KMT2E: variants seen among roughly 807,000 people sequenced by gnomAD.
KMT2E encodes the protein histone reader KMT2E.
Under a neutral mutation model 184.6 loss-of-function variants are expected in KMT2E, and 30 were observed. The ratio of observed to expected loss-of-function variants is 0.16; its 90% CI spans 0.12 to 0.22. KMT2E has a LOEUF of 0.22. Among genes scored for constraint, KMT2E ranks in the 10% least tolerant of loss-of-function variants. KMT2E has a pLI of 1.00. For missense variants in KMT2E, 2,023 were observed against 2,237.4 expected (o/e 0.90, Z 1.93); for synonymous variants, 815 against 776.5 (o/e 1.05, Z -0.82).
In KMT2E at chr7:105,101,412, T is replaced by G; in HGVS notation, c.1723-13T>G. On this transcript the variant is annotated splice_polypyrimidine_tract_variant and intron_variant, in intron 15 of 26. Coordinates refer to ENST00000311117, the MANE Select transcript of KMT2E (RefSeq NM_182931.3). Reference sequence around the variant, plus strand: ...TGATATTTATGATGTCACTTAAAATTTAAATTTCATAGACAAGAGAAGAAA... The same window carrying G: ...TGATATTTATGATGTCACTTAAAATGTAAATTTCATAGACAAGAGAAGAAA... 1 of 1,508,076 alleles carries G rather than the reference T, an allele frequency of 6.6e-7. No homozygotes were observed. Among genetic ancestry groups the G allele is most frequent in the Non-Finnish European group, 8.8e-7 (1 of 1,137,576 alleles). The allele number at this position is 1,508,076 out of a possible 1,614,324, so 93.4% of individuals were successfully genotyped here. A position where few individuals can be genotyped will look rare whatever the true frequency, so the allele number is the denominator to read the frequency against.
At chr7:105,063,839 T>C in intron 5 of KMT2E, 1 of 488,574 alleles carries the variant, frequency 2.0e-6, no homozygotes, top group South Asian at 2.2e-5. Context: ...TTCACTTAGT[T>C]CAATAGTAGT....
intron 15 of KMT2E, among the ~76,000 whole-genome samples, chr7:105,093,375 A>G (rs1798285752): frequency 6.6e-6 from 1 of 152,150 alleles, no homozygotes; most frequent in African/African-American, 2.4e-5. Context: ...CCTCATTTCC[A>G]GATGCCAGAA....
intron 3 of KMT2E, among the ~76,000 whole-genome samples, chr7:105,052,226 T>A (rs973760834): frequency 6.6e-6 from 1 of 152,236 alleles, no homozygotes; most frequent in Non-Finnish European, 1.5e-5. Context: ...TTGAATATTT[T>A]ACATTTGTTT....
intron 1 of KMT2E, among the ~76,000 whole-genome samples, chr7:105,033,943 C>T (rs1053106723): frequency 6.6e-6 from 1 of 152,032 alleles, no homozygotes; most frequent in Admixed American, 6.6e-5. Context: ...TTTTAACAAC[C>T]CACTATCTCA....
intron 20 of KMT2E, 130 bp from the exon 21 acceptor site, chr7:105,107,036 G>A: frequency 1.6e-6 from 1 of 644,042 alleles, no homozygotes; most frequent in South Asian, 2.5e-5. Flanking sequence ...TTTGGGGAAT[G>A]GAAATAAACA....
At chr7:105,015,137 C>T (rs1357431002) in intron 1 of KMT2E, among the ~76,000 whole-genome samples, 1 of 152,146 alleles carries the variant, frequency 6.6e-6, no homozygotes, top group South Asian at 2.1e-4. Context: ...ACCCCAGTAC[C>T]CAGCCTTCTC....
At chr7:105,040,557 AT>A (rs1310152375) in intron 2 of KMT2E, among the ~76,000 whole-genome samples, 2 of 152,204 alleles carry the variant, frequency 1.3e-5, no homozygotes, top group Non-Finnish European at 2.9e-5. Flanking sequence ...ACTTTAAGAA[AT>A]TACATTTTAT....
At chr7:105,015,967 A>C (rs1012051228) in intron 1 of KMT2E, among the ~76,000 whole-genome samples, 1 of 152,264 alleles carries the variant, frequency 6.6e-6, no homozygotes, top group African/African-American at 2.4e-5. Context: ...GTGCGCTTCA[A>C]CATTAAAAAA....
chr7:105,054,488 CTATCTATCTAT>C (rs1796489012), intron 3 of KMT2E, among the ~76,000 whole-genome samples: 1 of 150,792 alleles, frequency 6.6e-6, no homozygotes, highest in Non-Finnish European at 1.5e-5. Context: ...ATCTATCTAT[CTATCTATCTAT>C]CTATCTATCT....
chr7:105,076,160 C>T (rs192370843), intron 9 of KMT2E, 79 bp downstream of exon 9: 8 of 974,778 alleles, frequency 8.2e-6, no homozygotes, highest in African/African-American at 8.1e-5. Flanking sequence ...CATATCTTTA[C>T]TTAATGCTCT....
intron 3 of KMT2E, among the ~76,000 whole-genome samples, chr7:105,057,156 G>A (rs1405966861): frequency 6.6e-6 from 1 of 152,148 alleles, no homozygotes; most frequent in Admixed American, 6.5e-5. Context: ...TAAGGAGTAA[G>A]GGTTAAGAGT....
At chr7:105,046,074 C>G (rs577065419) in intron 3 of KMT2E, among the ~76,000 whole-genome samples, 19 of 152,164 alleles carry the variant, frequency 1.2e-4, no homozygotes, top group African/African-American at 4.6e-4. Context: ...CTCGTGGGCT[C>G]TACTCACATA....
At position 105,105,223 on chromosome 7, in the gene KMT2E, T is replaced by G. The variant is rs376239872; in HGVS notation, c.2197-216T>G. 9.7e-6 allele frequency: 4 copies of G among 411,270 alleles called. No homozygotes were observed. The East Asian group carries it at 1.2e-4, about 12-fold the overall frequency. 25.5% of individuals were successfully genotyped at this position (411,270 alleles called of 1,614,324 possible). A position where few individuals can be genotyped will look rare whatever the true frequency, so the allele number is the denominator to read the frequency against. ...AAATATTTAAAAAGCAACCATATGT[T>G]TTGTTCTACAAAATAATTGGGTAAA... On this transcript the variant is annotated intron_variant, in intron 17 of 26. Transcript: ENST00000311117.
rs66946883 is a variant in KMT2E at position 105,064,164 on chromosome 7, GTTTTTTTTTTT to G, written c.416+602_416+612del. ...GGTTTTGTATCATTTTTTTTTCTTG[GTTTTTTTTTTT>G]TTTTTTTTTTTTTTTTTGACTGGGG... On this transcript the variant is annotated intron_variant, in intron 5 of 26. Transcript: ENST00000311117. 6.2e-3 allele frequency: 474 copies of G among 76,146 alleles called. 4 individuals carry two copies. The highest frequency in any genetic ancestry group is 0.028 in the African/African-American group (311 of 11,118). The allele number at this position is 76,146 out of a possible 1,614,324, so 4.7% of individuals were successfully genotyped here. A position where few individuals can be genotyped will look rare whatever the true frequency, so the allele number is the denominator to read the frequency against.
intron 13 of KMT2E, among the ~76,000 whole-genome samples, chr7:105,086,454 A>C (rs1211819539): frequency 6.6e-6 from 1 of 151,934 alleles, no homozygotes; most frequent in South Asian, 2.1e-4. Flanking sequence ...GGTGGTTGCT[A>C]TGACTCACGG....
At chr7:105,111,654 G>T (rs1799286851) in intron 26 of KMT2E, among the ~76,000 whole-genome samples, 171 bp from the exon 27 acceptor site, 1 of 152,062 alleles carries the variant, frequency 6.6e-6, no homozygotes, top group Admixed American at 6.5e-5. Flanking sequence ...TGGAACAACT[G>T]AAAAATATTG....
chr7:105,076,675 T>C (rs1334058200), intron 9 of KMT2E, among the ~76,000 whole-genome samples: 2 of 152,258 alleles, frequency 1.3e-5, no homozygotes, highest in Non-Finnish European at 2.9e-5. Context: ...AGCTGTATGC[T>C]GTTACTATAG....
intron 13 of KMT2E, among the ~76,000 whole-genome samples, chr7:105,083,552 G>A (rs147447255): frequency 2.2e-4 from 34 of 152,260 alleles, no homozygotes; most frequent in African/African-American, 5.8e-4. Flanking sequence ...GGCAGCTTCC[G>A]TTTGTTTTCC....
At chr7:105,070,495 A>G (rs1797237424) in intron 6 of KMT2E, among the ~76,000 whole-genome samples, 1 of 151,704 alleles carries the variant, frequency 6.6e-6, no homozygotes, top group African/African-American at 2.4e-5. Context: ...TTAGCCGGGC[A>G]TGGTGGCAGG....
Sources: allele counts gnomAD v4.1 joint callset (sites outside exome capture counted in the v4.1 genomes callset), GRCh38; gene constraint gnomAD v4.1.1; transcripts MANE v1.5; gene names NCBI Gene and HGNC (gene_info 2026-07-23, HGNC 2026-07-21).